Variants in TMEM45B observed in about 807,000 individuals in gnomAD.
TMEM45B encodes transmembrane protein 45B.
In TMEM45B, 29 loss-of-function variants were observed where a neutral mutation model predicts 27.3. That is an observed-to-expected ratio of 1.06 (90% CI 0.79 to 1.45). The LOEUF is 1.45. TMEM45B is among the 40% of genes most tolerant of loss of function. The pLI is 0.00. For synonymous variants in TMEM45B, 143 were observed against 134.7 expected (o/e 1.06, Z -0.43); for missense variants, 348 against 343.9 (o/e 1.01, Z -0.09).
At chr11:129,850,844 C>G (rs1176891202) in intron 1 of TMEM45B, among the ~76,000 whole-genome samples, 3 of 152,204 alleles carry the variant, frequency 2.0e-5, no homozygotes, top group Admixed American at 1.3e-4. Flanking sequence ...GTGCTCCGTT[C>G]ATGGCAATCC....
At chr11:129,830,282 A>G (rs1947532788) in intron 1 of TMEM45B, among the ~76,000 whole-genome samples, 1 of 152,202 alleles carries the variant, frequency 6.6e-6, no homozygotes. Flanking sequence ...AGCCAAGATC[A>G]TGCCATTGCA....
At chr11:129,822,936 G>A (rs1181342752) in intron 1 of TMEM45B, among the ~76,000 whole-genome samples, 9 of 151,190 alleles carry the variant, frequency 6.0e-5, no homozygotes, top group Admixed American at 1.3e-4. Flanking sequence ...CGCCTCCCGA[G>A]TTCAAGCCAT....
intron 2 of TMEM45B, among the ~76,000 whole-genome samples, chr11:129,853,810 GA>G (rs2135601820): frequency 6.6e-6 from 1 of 152,312 alleles, no homozygotes; most frequent in South Asian, 2.1e-4. Context: ...TCTGGCTTGA[GA>G]AACAAGTATC....
intron 1 of TMEM45B, among the ~76,000 whole-genome samples, chr11:129,832,774 A>T (rs564502209): frequency 8.0e-4 from 122 of 152,294 alleles, no homozygotes; most frequent in African/African-American, 2.3e-3. Flanking sequence ...GTAGAAGAGT[A>T]ATGGCAAGAA....
intron 1 of TMEM45B, among the ~76,000 whole-genome samples, chr11:129,821,712 T>A (rs1947421950): frequency 6.6e-6 from 1 of 152,204 alleles, no homozygotes; most frequent in African/African-American, 2.4e-5. Context: ...TATTCTACTT[T>A]CTTACGGTGC....
In TMEM45B at chr11:129,854,774, G is replaced by T. The variant is rs756422566; in HGVS notation, c.343G>T (p.Gly115Trp). The T allele has an allele frequency of 9.9e-6, 16 of 1,614,056 alleles. No individual in the cohort carries two copies. Among genetic ancestry groups the T allele is most frequent in the Non-Finnish European group, 1.4e-5 (16 of 1,180,052 alleles). The change falls in exon 3 of 6, where the codon GGG becomes TGG. Residue 115 changes from glycine to tryptophan, a missense_variant. Coordinates refer to ENST00000281441, the MANE Select transcript of TMEM45B (RefSeq NM_138788.5). ...LTYLVSHVPL[G>W]VDRLVMAVAV... Reference sequence around the variant, plus strand: ...CTATCTGGTCAGCCACGTTCCCTTGGGGGTGGACAGACTGGTTATGGCTGT... The same window carrying T: ...CTATCTGGTCAGCCACGTTCCCTTGTGGGTGGACAGACTGGTTATGGCTGT...
At position 129,830,384 on chromosome 11, in the gene TMEM45B, A is replaced by G. The variant is rs376142762; in HGVS notation, c.-9+14486A>G. On this transcript the variant is annotated intron_variant, in intron 1 of 5. Coordinates refer to ENST00000281441, the MANE Select transcript of TMEM45B (RefSeq NM_138788.5). ...TAAATATAAGAGCTAAAACTATACA[A>G]TTCTTAGAAGAAAACATAGAAGTGA... Among the ~76,000 whole-genome samples the G allele has an allele frequency of 5.9e-5, 9 of 152,352 alleles. No homozygotes were observed. In the East Asian group the frequency reaches 1.7e-3, roughly 29 times the overall value.
chr11:129,823,550 A>G (rs1217937416), intron 1 of TMEM45B, among the ~76,000 whole-genome samples: 2 of 152,164 alleles, frequency 1.3e-5, no homozygotes, highest in East Asian at 3.8e-4. Context: ...GTTGACTTAA[A>G]TTGACCCTAT....
chr11:129,841,009 T>G (rs1051160536), intron 1 of TMEM45B, among the ~76,000 whole-genome samples: 1 of 105,386 alleles, frequency 9.5e-6, no homozygotes, highest in Non-Finnish European at 2.1e-5. Context: ...CTAGACAAAA[T>G]TGTTTATCAA....
intron 1 of TMEM45B, among the ~76,000 whole-genome samples, chr11:129,841,384 G>T (rs1386637586): frequency 6.6e-6 from 1 of 152,134 alleles, no homozygotes; most frequent in Non-Finnish European, 1.5e-5. Context: ...TTAACAGGGG[G>T]ATTCTGGAAA....
At chr11:129,842,306 AACTC>A (rs1344266380) in intron 1 of TMEM45B, among the ~76,000 whole-genome samples, 1 of 152,212 alleles carries the variant, frequency 6.6e-6, no homozygotes, top group East Asian at 1.9e-4. Flanking sequence ...TTTTTTTTAA[AACTC>A]AACCAACACT....
At chr11:129,828,350 C>T (rs977529242) in intron 1 of TMEM45B, 3 of 152,196 alleles carry the variant, frequency 2.0e-5, no homozygotes, top group South Asian at 2.1e-4. Context: ...TCCTTCTGAC[C>T]GTGCTGTTCC....
chr11:129,848,601 A>G (rs1029088485), intron 1 of TMEM45B, among the ~76,000 whole-genome samples: 2 of 152,164 alleles, frequency 1.3e-5, no homozygotes, highest in Non-Finnish European at 2.9e-5. Flanking sequence ...AGCCCTGACA[A>G]TGTAGCTGGT....
chr11:129,823,914 C>T (rs371131176), intron 1 of TMEM45B, among the ~76,000 whole-genome samples: 3 of 152,158 alleles, frequency 2.0e-5, no homozygotes, highest in Non-Finnish European at 4.4e-5. Context: ...TGTCTTTGAT[C>T]GGCCTGCACT....
chr11:129,835,947 G>A (rs1356581518), intron 1 of TMEM45B, among the ~76,000 whole-genome samples: 4 of 152,078 alleles, frequency 2.6e-5, no homozygotes, highest in African/African-American at 7.2e-5. Context: ...GTGAAATCCC[G>A]TCTCTACTAA....
At chr11:129,856,034 TCCC>T in intron 4 of TMEM45B, 142 bp downstream of exon 4, 1 of 945,748 alleles carries the variant, frequency 1.1e-6, no homozygotes, top group Non-Finnish European at 1.6e-6. Flanking sequence ...ATGACCCTTT[TCCC>T]CCCATGCCCG....
chr11:129,838,636 C>T (rs547960250), intron 1 of TMEM45B, among the ~76,000 whole-genome samples: 4 of 152,160 alleles, frequency 2.6e-5, no homozygotes, highest in Non-Finnish European at 4.4e-5. Context: ...CAGTCAAACA[C>T]GTGGTTGGAA....
chr11:129,830,763 C>T (rs1432612317), intron 1 of TMEM45B, among the ~76,000 whole-genome samples: 1 of 152,158 alleles, frequency 6.6e-6, no homozygotes, highest in Non-Finnish European at 1.5e-5. Flanking sequence ...CCACTTCATA[C>T]CCACTAGAAT....
At chr11:129,835,121 T>C (rs1947604607) in intron 1 of TMEM45B, among the ~76,000 whole-genome samples, 1 of 152,184 alleles carries the variant, frequency 6.6e-6, no homozygotes, top group Non-Finnish European at 1.5e-5. Context: ...TTGCTGCTCA[T>C]AGTAAAATAT....
Sources: gnomAD v4.1 joint callset for allele counts (sites outside exome capture counted in the v4.1 genomes callset) on GRCh38, gnomAD v4.1.1 for gene constraint, MANE v1.5 for transcripts, NCBI Gene and HGNC (gene_info 2026-07-23, HGNC 2026-07-21) for gene names.